SYCP2: variants seen among roughly 807,000 people sequenced by gnomAD.
SYCP2 encodes the protein synaptonemal complex protein 2.
Under a neutral mutation model 211.3 loss-of-function variants are expected in SYCP2, and 55 were observed. That is an observed-to-expected ratio of 0.26 (90% confidence interval 0.21 to 0.33). The LOEUF is 0.33. Among genes scored for constraint, SYCP2 ranks in the 10% least tolerant of loss-of-function variants. The pLI, the probability that SYCP2 is intolerant of heterozygous loss-of-function variation, is 1.00. For missense variants in SYCP2, 1,731 were observed against 1,752.0 expected (o/e 0.99, Z 0.21); for synonymous variants, 570 against 555.2 (o/e 1.03, Z -0.37).
chr20:59,899,951 T>C lies in SYCP2; in HGVS notation c.1404+187A>G, dbSNP rs1568951362. 4.8e-6 allele frequency: 3 copies of C among 628,310 alleles called. No individual in the cohort carries two copies. The East Asian group carries it at 8.3e-5, about 17-fold the overall frequency. The allele number at this position is 628,310 out of a possible 1,614,324, so 38.9% of individuals were successfully genotyped here. On this transcript the variant is annotated intron_variant, in intron 18 of 44. Coordinates refer to ENST00000357552, the MANE Select transcript of SYCP2 (RefSeq NM_014258.4). The stretch of plus-strand genomic sequence containing the variant: ...TATGTCTTGTTCTAACCCCTATACA[T>C]GTACACAATTTGCTAAGACACACAC...
intron 24 of SYCP2, 139 bp from the exon 25 acceptor site, chr20:59,886,973 A>C (rs1211070814): frequency 2.1e-5 from 13 of 630,472 alleles, no homozygotes; most frequent in Admixed American, 3.7e-5. Context: ...CTGTTTAGTA[A>C]GTTTGAGCTT....
At chr20:59,876,411 A>AAAAAAAAAAAAAAAAAAAG (rs71183188) in intron 33 of SYCP2, among the ~76,000 whole-genome samples, 1 of 139,586 alleles carries the variant, frequency 7.2e-6, no homozygotes, top group East Asian at 2.1e-4. Flanking sequence ...AAAAAAAAAA[A>AAAAAAAAAAAAAAAAAAAG]GAAGAAGTGA....
intron 4 of SYCP2, among the ~76,000 whole-genome samples, 181 bp from the exon 5 acceptor site, chr20:59,920,668 TAC>T (rs1237107065): frequency 6.6e-6 from 1 of 151,588 alleles, no homozygotes; most frequent in Non-Finnish European, 1.5e-5. Context: ...CCCAAAGCCA[TAC>T]AGTCAGGGAA....
intron 14 of SYCP2, 62 bp downstream of exon 14, chr20:59,911,688 A>C: frequency 3.0e-6 from 2 of 675,328 alleles, no homozygotes; most frequent in Non-Finnish European, 2.3e-6. Flanking sequence ...ACATTCTTAA[A>C]GTAAGTAAAA....
chr20:59,872,397 CTG>C (rs1365634928), intron 35 of SYCP2, among the ~76,000 whole-genome samples: 1 of 151,962 alleles, frequency 6.6e-6, no homozygotes, highest in African/African-American at 2.4e-5. Flanking sequence ...ATCAGATTGA[CTG>C]TGGAGATATC....
chr20:59,892,653 T>A lies in SYCP2; in HGVS notation c.1842A>T (p.Lys614Asn). ...DNICGNKIHS[K>N]WACWTPVTNI... is the part of the protein sequence containing the mutation. ...TTGTTACAGGTGTCCAACATGCCCA[T>A]TTGCTGTGTATTTTATTTCCACAGA... Residue 614 changes from lysine to asparagine, a missense_variant, in exon 23 of 45, where the codon AAA becomes AAT. By Grantham distance (94) the Lys-to-Asn change is moderately conservative. Coordinates refer to ENST00000357552, the MANE Select transcript of SYCP2 (RefSeq NM_014258.4). 6.2e-7 allele frequency: 1 copy of A among 1,610,286 alleles called. No individual in the cohort carries two copies. Among genetic ancestry groups the A allele is most frequent in the Non-Finnish European group, 8.5e-7 (1 of 1,177,994 alleles).
chr20:59,922,293 C>T (rs2060555827), intron 3 of SYCP2, 97 bp downstream of exon 3: 1 of 1,095,526 alleles, frequency 9.1e-7, no homozygotes, highest in African/African-American at 1.6e-5. Context: ...AACATGTAAG[C>T]TTTATCATTG....
In SYCP2 at chr20:59,895,548, G is replaced by A. The variant is rs1204839050; in HGVS notation, c.1554C>T (p.Ser518=). The A allele has an allele frequency of 6.2e-7, 1 of 1,610,812 alleles. No individual in the cohort carries two copies. Among genetic ancestry groups the A allele is most frequent in the East Asian group, 2.2e-5 (1 of 44,820 alleles). Residue 518 remains serine (S), a synonymous_variant, in exon 20 of 45, where the codon AGC becomes AGT. Transcript: ENST00000357552. ...RRIKPPLQMT[S]SAEKPSVSQT... Reference sequence around the variant, plus strand: ...GAGAAACACTAGGTTTCTCTGCAGAGCTCGTCATTTGCAGTGGTGGTTTAA... The same window carrying A: ...GAGAAACACTAGGTTTCTCTGCAGAACTCGTCATTTGCAGTGGTGGTTTAA...
At chr20:59,907,809 AACC>A (rs1379643401) in intron 14 of SYCP2, among the ~76,000 whole-genome samples, 1 of 152,220 alleles carries the variant, frequency 6.6e-6, no homozygotes, top group East Asian at 1.9e-4. Context: ...CAGGTCCTGT[AACC>A]ACAATACTCA....
At chr20:59,885,651 C>T (rs550610566) in intron 26 of SYCP2, among the ~76,000 whole-genome samples, 2 of 151,838 alleles carry the variant, frequency 1.3e-5, no homozygotes, top group African/African-American at 4.8e-5. Flanking sequence ...CACACACACA[C>T]ACACGCGCGC....
intron 31 of SYCP2, among the ~76,000 whole-genome samples, chr20:59,878,846 A>T (rs1182556866): frequency 6.6e-6 from 1 of 152,036 alleles, no homozygotes; most frequent in Non-Finnish European, 1.5e-5. Context: ...TATCTTTCCA[A>T]ATAGTCTCTG....
chr20:59,901,855 C>T lies in SYCP2; in HGVS notation c.1034-45G>A, dbSNP rs775124630. ...ATTAGTTTACGTTTCTATGATACTA[C>T]TCTGCAAGTATACTATAAATAAGAC... is the stretch of plus-strand genomic sequence containing the variant. On this transcript the variant is annotated intron_variant, in intron 15 of 44. Transcript: ENST00000357552. The T allele has an allele frequency of 2.8e-6, 4 of 1,418,004 alleles. No individual in the cohort carries two copies. The South Asian group carries it at 4.5e-5, about 16-fold the overall frequency. 87.8% of individuals were successfully genotyped at this position (1,418,004 alleles called of 1,614,324 possible). A position where few individuals can be genotyped will look rare whatever the true frequency, so the allele number is the denominator to read the frequency against.
In SYCP2 at chr20:59,917,482, G is replaced by A. The variant is rs16983289; in HGVS notation, c.428-911C>T. Among the ~76,000 whole-genome samples the A allele has an allele frequency of 5.2e-3, 789 of 151,988 alleles. 6 individuals carry two copies. The highest frequency in any genetic ancestry group is 0.019 in the East Asian group (100 of 5,184). ...AAAGAAAAAAGTACTCAGATGAAAA[G>A]ATACAATTATTTACTTTAAAAATCA... is the stretch of plus-strand genomic sequence containing the variant. On this transcript the variant is annotated intron_variant, in intron 7 of 44. Transcript: ENST00000357552.
chr20:59,924,932 C>G (rs1289440073), intron 2 of SYCP2, among the ~76,000 whole-genome samples: 1 of 151,944 alleles, frequency 6.6e-6, no homozygotes, highest in Non-Finnish European at 1.5e-5. Flanking sequence ...CTATACTGTT[C>G]AACTGGATGT....
At chr20:59,922,810 A>C (rs534587983) in intron 2 of SYCP2, among the ~76,000 whole-genome samples, 5 of 151,978 alleles carry the variant, frequency 3.3e-5, no homozygotes, top group African/African-American at 1.2e-4. Context: ...GGAAAAAAAA[A>C]AACTCTTGAA....
chr20:59,932,657 G>A (rs1021832844), intron 1 of SYCP2, among the ~76,000 whole-genome samples: 2 of 152,138 alleles, frequency 1.3e-5, no homozygotes, highest in Non-Finnish European at 2.9e-5. Flanking sequence ...CTGGGTGACA[G>A]AGCGAGACTC....
chr20:59,865,244 T>G, intron 44 of SYCP2, 144 bp downstream of exon 44: 1 of 623,884 alleles, frequency 1.6e-6, no homozygotes, highest in South Asian at 2.2e-5. Flanking sequence ...GCTCCCATTA[T>G]TTAAAGAACT....
At chr20:59,892,818 G>T in intron 22 of SYCP2, 117 bp from the exon 23 acceptor site, 1 of 880,602 alleles carries the variant, frequency 1.1e-6, no homozygotes, top group Non-Finnish European at 1.6e-6. Flanking sequence ...AAATTATGTG[G>T]AAATTTATCT....
intron 8 of SYCP2, 128 bp downstream of exon 8, chr20:59,916,358 G>C: frequency 1.6e-6 from 1 of 612,040 alleles, no homozygotes; most frequent in East Asian, 2.9e-5. Flanking sequence ...TCAGGCAATA[G>C]ATTATGATAG....
Sources: gnomAD v4.1 joint callset for allele counts (sites outside exome capture counted in the v4.1 genomes callset) on GRCh38, gnomAD v4.1.1 for gene constraint, MANE v1.5 for transcripts, NCBI Gene and HGNC (gene_info 2026-07-23, HGNC 2026-07-21) for gene names.